Variants in GNG2 observed in about 807,000 individuals in gnomAD.
The protein encoded by GNG2 is guanine nucleotide-binding protein G(I)/G(S)/G(O) subunit gamma-2.
A neutral mutation model predicts 5.5 loss-of-function variants in GNG2; 5 were observed. That is an observed-to-expected ratio of 0.91 (90% CI 0.48 to 1.92). The LOEUF (loss-of-function observed/expected upper bound fraction) is 1.92. Among genes scored for constraint, GNG2 ranks in the 30% most tolerant of loss-of-function variants. The pLI is 0.01. For synonymous variants in GNG2, 28 were observed against 32.0 expected (o/e 0.88, Z 0.42); for missense variants, 55 against 88.4 (o/e 0.62, Z 1.52).
chr14:51,862,838 AG>A (rs1268709923), intron 1 of GNG2, among the ~76,000 whole-genome samples: 1 of 152,262 alleles, frequency 6.6e-6, no homozygotes, highest in African/African-American at 2.4e-5. Flanking sequence ...TAGAATGTTT[AG>A]GAAAAAGATG....
intron 2 of GNG2, among the ~76,000 whole-genome samples, chr14:51,911,078 T>C (rs533921905): frequency 5.3e-5 from 8 of 152,290 alleles, no homozygotes; most frequent in African/African-American, 1.9e-4. Flanking sequence ...AGAATTTGTC[T>C]AGTGGTGCAC....
At chr14:51,941,621 A>G (rs1888322684) in intron 2 of GNG2, among the ~76,000 whole-genome samples, 1 of 152,000 alleles carries the variant, frequency 6.6e-6, no homozygotes, top group South Asian at 2.1e-4. Context: ...TAACCTACAC[A>G]CTCTCCACCC....
At chr14:51,850,120 A>G (rs2790498) in intron 2 of GNG2, among the ~76,000 whole-genome samples, 139,281 of 152,268 alleles carry the variant, frequency 0.91, 64,906 homozygotes, top group East Asian at 1. Flanking sequence ...GGGAGTTTTG[A>G]AAGCAGCATA....
chr14:51,951,473 C>T (rs144891724), intron 3 of GNG2, among the ~76,000 whole-genome samples: 17 of 152,280 alleles, frequency 1.1e-4, no homozygotes, highest in East Asian at 5.8e-4. Flanking sequence ...AGCTATGGCA[C>T]GGTGGCAAAG....
At chr14:51,949,297 A>AGAACTTGAAGAAC (rs369788360) in intron 2 of GNG2, among the ~76,000 whole-genome samples, 4,961 of 152,194 alleles carry the variant, frequency 0.033, 192 homozygotes, top group East Asian at 0.14. Flanking sequence ...GAAGAACTGG[A>AGAACTTGAAGAAC]TATCAAGAAA....
At chr14:51,900,460 T>A (rs1030644278) in intron 2 of GNG2, among the ~76,000 whole-genome samples, 1 of 151,670 alleles carries the variant, frequency 6.6e-6, no homozygotes, top group African/African-American at 2.4e-5. Flanking sequence ...TGCCAAGTTA[T>A]ATTCAACACT....
chr14:51,919,011 G>C (rs1279091296), intron 2 of GNG2, among the ~76,000 whole-genome samples: 1 of 152,262 alleles, frequency 6.6e-6, no homozygotes, highest in East Asian at 1.9e-4. Flanking sequence ...TTTTAGTAGA[G>C]ATGGGGTTTC....
chr14:51,938,187 A>T (rs1594938972), intron 2 of GNG2, among the ~76,000 whole-genome samples: 1 of 152,312 alleles, frequency 6.6e-6, no homozygotes, highest in East Asian at 1.9e-4. Context: ...AATTCCAAAA[A>T]AGGATTCACC....
intron 2 of GNG2, among the ~76,000 whole-genome samples, chr14:51,884,020 C>T (rs1242778917): frequency 6.6e-6 from 1 of 152,004 alleles, no homozygotes; most frequent in Non-Finnish European, 1.5e-5. Flanking sequence ...TTCCCACCAA[C>T]TTGTAGCCTC....
chr14:51,942,912 C>A (rs1312304019), intron 2 of GNG2, among the ~76,000 whole-genome samples: 3 of 152,022 alleles, frequency 2.0e-5, no homozygotes, highest in African/African-American at 7.3e-5. Context: ...GCTTGTTGTA[C>A]CAAAGAATGT....
intron 2 of GNG2, among the ~76,000 whole-genome samples, chr14:51,843,967 T>C (rs1212677458): frequency 6.6e-6 from 1 of 152,196 alleles, no homozygotes; most frequent in Non-Finnish European, 1.5e-5. Flanking sequence ...ACCACCTTGG[T>C]TTCCACCGTG....
chr14:51,950,062 TTA>T (rs1306646068), intron 2 of GNG2, among the ~76,000 whole-genome samples: 4 of 152,208 alleles, frequency 2.6e-5, no homozygotes, highest in African/African-American at 9.7e-5. Flanking sequence ...CTCAAAATGT[TTA>T]TGTTCCAGAT....
intron 2 of GNG2, among the ~76,000 whole-genome samples, chr14:51,908,069 G>A (rs1363637286): frequency 6.6e-6 from 1 of 152,242 alleles, no homozygotes; most frequent in Non-Finnish European, 1.5e-5. Flanking sequence ...GGATGGTTCT[G>A]GCTCAGGCGC....
intron 2 of GNG2, among the ~76,000 whole-genome samples, chr14:51,900,249 C>T: frequency 6.6e-6 from 1 of 151,960 alleles, no homozygotes; most frequent in East Asian, 1.9e-4. Context: ...TTGCATTTCC[C>T]TAATGATTAG....
intron 2 of GNG2, among the ~76,000 whole-genome samples, chr14:51,938,247 T>C (rs1888126578): frequency 6.6e-6 from 1 of 152,240 alleles, no homozygotes; most frequent in African/African-American, 2.4e-5. Flanking sequence ...ATGAAGTTCT[T>C]GCTTAATAGA....
At chr14:51,898,663 G>A (rs994604744) in intron 2 of GNG2, among the ~76,000 whole-genome samples, 3 of 152,162 alleles carry the variant, frequency 2.0e-5, no homozygotes, top group African/African-American at 7.2e-5. Flanking sequence ...TGCACTGAAC[G>A]CAAATGTGCA....
chr14:51,960,309 T>G (rs1293920591), intron 3 of GNG2, among the ~76,000 whole-genome samples: 1 of 152,200 alleles, frequency 6.6e-6, no homozygotes, highest in East Asian at 1.9e-4. Context: ...CTCATTGTAT[T>G]TTTTCATCTC....
intron 2 of GNG2, among the ~76,000 whole-genome samples, chr14:51,933,421 T>C (rs1250782242): frequency 6.6e-6 from 1 of 152,160 alleles, no homozygotes; most frequent in African/African-American, 2.4e-5. Flanking sequence ...TCTTTCAAGT[T>C]GTCTATAAAG....
chr14:51,887,136 G>C (rs1884514599), intron 2 of GNG2, among the ~76,000 whole-genome samples: 1 of 152,126 alleles, frequency 6.6e-6, no homozygotes, highest in Admixed American at 6.5e-5. Flanking sequence ...AGATGATCTG[G>C]AGGAGCTACA....
Sources: gnomAD v4.1 joint callset for allele counts (sites outside exome capture counted in the v4.1 genomes callset) on GRCh38, gnomAD v4.1.1 for gene constraint, MANE v1.5 for transcripts, NCBI Gene and HGNC (gene_info 2026-07-23, HGNC 2026-07-21) for gene names.